The following LRMDA variants were observed in gnomAD, a reference collection of about 807,000 sequenced individuals.
The protein encoded by LRMDA is leucine rich melanocyte differentiation associated.
Under a neutral mutation model 29.8 loss-of-function variants are expected in LRMDA, and 18 were observed. The ratio of observed to expected loss-of-function variants is 0.60; its 90% CI spans 0.42 to 0.90. LRMDA has a LOEUF of 0.90. Among genes scored for constraint, LRMDA ranks in the 40% least tolerant of loss-of-function variants. The probability of loss-of-function intolerance (pLI) is 0.00; values close to 1 mark genes in which losing one functional copy is unlikely to be tolerated. For synonymous variants in LRMDA, 125 were observed against 109.4 expected (o/e 1.14, Z -0.89); for missense variants, 273 against 273.9 (o/e 1.00, Z 0.02).
chr10:75,744,808 G>T (rs1432146568), intron 2 of LRMDA, among the ~76,000 whole-genome samples: 2 of 152,192 alleles, frequency 1.3e-5, no homozygotes, highest in Non-Finnish European at 2.9e-5. Flanking sequence ...CTTTCCAGGG[G>T]ACATTCCTGG....
intron 2 of LRMDA, among the ~76,000 whole-genome samples, chr10:75,641,758 G>A (rs1841456487): frequency 6.6e-6 from 1 of 151,742 alleles, no homozygotes; most frequent in Non-Finnish European, 1.5e-5. Flanking sequence ...AGATAGATTT[G>A]GTAGATTTCA....
chr10:76,171,066 C>G (rs182773322), intron 5 of LRMDA, among the ~76,000 whole-genome samples: 20 of 152,234 alleles, frequency 1.3e-4, no homozygotes, highest in Non-Finnish European at 2.4e-4. Context: ...TATGAAGAGG[C>G]AAAAGTTTGT....
At chr10:75,683,778 ATCT>A (rs1436145885) in intron 2 of LRMDA, among the ~76,000 whole-genome samples, 1 of 152,218 alleles carries the variant, frequency 6.6e-6, no homozygotes, top group African/African-American at 2.4e-5. Flanking sequence ...ACTTAAGCAG[ATCT>A]TCCTTCATTC....
chr10:75,448,722 C>T (rs1035318769), intron 2 of LRMDA, among the ~76,000 whole-genome samples: 1 of 152,176 alleles, frequency 6.6e-6, no homozygotes, highest in Admixed American at 6.5e-5. Flanking sequence ...CTCTGGGGCC[C>T]TGTTGGAGAT....
chr10:76,308,142 C>G (rs1055214310), intron 5 of LRMDA, among the ~76,000 whole-genome samples: 1 of 152,114 alleles, frequency 6.6e-6, no homozygotes, highest in African/African-American at 2.4e-5. Flanking sequence ...AAAAAATCCT[C>G]AAACCCAGGA....
chr10:76,216,470 G>A (rs372940660), intron 5 of LRMDA, among the ~76,000 whole-genome samples: 1 of 152,148 alleles, frequency 6.6e-6, no homozygotes, highest in African/African-American at 2.4e-5. Context: ...CTATAAACCA[G>A]TAAGAAAACT....
At chr10:75,476,889 C>T (rs1844800273) in intron 2 of LRMDA, among the ~76,000 whole-genome samples, 1 of 152,160 alleles carries the variant, frequency 6.6e-6, no homozygotes, top group Non-Finnish European at 1.5e-5. Flanking sequence ...AGGCCTCTCT[C>T]CTTGGCTTGC....
intron 6 of LRMDA, among the ~76,000 whole-genome samples, chr10:76,478,954 T>A (rs1420350454): frequency 1.3e-5 from 2 of 151,386 alleles, no homozygotes; most frequent in Non-Finnish European, 2.9e-5. Context: ...TGTAAATGAC[T>A]AGTTAATGGG....
intron 2 of LRMDA, among the ~76,000 whole-genome samples, chr10:75,960,018 A>G (rs1053430903): frequency 7.9e-5 from 12 of 152,166 alleles, no homozygotes; most frequent in Non-Finnish European, 1.5e-4. Flanking sequence ...ACATTCTGTC[A>G]TCTTCTTCCT....
chr10:76,412,433 T>C (rs1841972139), intron 6 of LRMDA, among the ~76,000 whole-genome samples: 1 of 152,230 alleles, frequency 6.6e-6, no homozygotes, highest in African/African-American at 2.4e-5. Flanking sequence ...GGGTTAACCA[T>C]ACTGTGGCTT....
rs992296148 is a variant in LRMDA, at chr10:76,555,250, A to G, written c.602-1959A>G. On this transcript the variant is annotated intron_variant, in intron 6 of 6. Coordinates refer to ENST00000611255, the MANE Select transcript of LRMDA (RefSeq NM_001305581.2). ...GCTGATGGCTACATAATTCAGCACG[A>G]TAAAGGAAACAGCTCAATGCCAACA... is the stretch of plus-strand genomic sequence containing the variant. Among the ~76,000 whole-genome samples the G allele has an allele frequency of 4.6e-5, 7 of 152,298 alleles. No individual in the cohort carries two copies. In the East Asian group the frequency reaches 9.7e-4, roughly 21 times the overall value.
In LRMDA at chr10:75,526,259, C is replaced by T. The variant is rs1246054610; in HGVS notation, c.131+87765C>T. ...TTTTAATTTTTTGTAGAGATTGGGT[C>T]TCGTTATGTTGTCCAGGCTGGTTTC... On this transcript the variant is annotated intron_variant, in intron 2 of 6. Transcript: ENST00000611255. 2.0e-5 allele frequency among the ~76,000 whole-genome samples: 3 copies of T among 151,726 alleles called. No homozygotes were observed. The East Asian group carries it at 5.9e-4, about 30-fold the overall frequency.
At chr10:75,743,750 C>G (rs1842858753) in intron 2 of LRMDA, 1 of 152,172 alleles carries the variant, frequency 6.6e-6, no homozygotes, top group Non-Finnish European at 1.5e-5. Flanking sequence ...TCTGAGCAAG[C>G]ATGGCGATGG....
intron 5 of LRMDA, among the ~76,000 whole-genome samples, chr10:76,063,501 T>C (rs1231688077): frequency 6.6e-6 from 1 of 152,124 alleles, no homozygotes; most frequent in Non-Finnish European, 1.5e-5. Context: ...TTGTGTAGTT[T>C]GTTGTAGCTT....
At chr10:75,792,431 A>G (rs947126731) in intron 2 of LRMDA, among the ~76,000 whole-genome samples, 2 of 150,870 alleles carry the variant, frequency 1.3e-5, no homozygotes, top group African/African-American at 4.9e-5. Context: ...TGCCTGGCTA[A>G]TTTTTGTATT....
chr10:76,194,300 C>A (rs906108663), intron 5 of LRMDA, among the ~76,000 whole-genome samples: 1 of 152,048 alleles, frequency 6.6e-6, no homozygotes, highest in Non-Finnish European at 1.5e-5. Flanking sequence ...CATCCCATGC[C>A]CTTGGAAAAT....
At chr10:76,355,381 A>G (rs1408620461) in intron 6 of LRMDA, among the ~76,000 whole-genome samples, 1 of 152,192 alleles carries the variant, frequency 6.6e-6, no homozygotes. Context: ...GCATCAGGTT[A>G]CCAAGAAATT....
intron 2 of LRMDA, among the ~76,000 whole-genome samples, chr10:75,878,780 T>G (rs1380238744): frequency 2.0e-5 from 3 of 151,692 alleles, no homozygotes; most frequent in Non-Finnish European, 2.9e-5. Context: ...GTACCAGGAG[T>G]GTAGTCTGGC....
chr10:76,194,539 A>G (rs1162046771), intron 5 of LRMDA, among the ~76,000 whole-genome samples: 1 of 152,220 alleles, frequency 6.6e-6, no homozygotes, highest in Admixed American at 6.5e-5. Context: ...TGCTGCTTTG[A>G]TAATACTTGT....
Sources: allele counts gnomAD v4.1 joint callset (sites outside exome capture counted in the v4.1 genomes callset), GRCh38; gene constraint gnomAD v4.1.1; transcripts MANE v1.5; gene names NCBI Gene and HGNC (gene_info 2026-07-23, HGNC 2026-07-21).